SNX13: variants seen among roughly 807,000 people sequenced by gnomAD.
SNX13 encodes the protein sorting nexin-13.
Under a neutral mutation model 133.6 loss-of-function variants are expected in SNX13, and 45 were observed. That is an observed-to-expected ratio of 0.34 (90% CI 0.27 to 0.43). The LOEUF (loss-of-function observed/expected upper bound fraction) is 0.43, where lower values mean the gene tolerates loss of function less well. Among genes scored for constraint, SNX13 ranks in the 20% least tolerant of loss-of-function variants. SNX13 has a pLI of 1.00. For synonymous variants in SNX13, 414 were observed against 373.9 expected (o/e 1.11, Z -1.24); for missense variants, 1,032 against 1,145.1 (o/e 0.90, Z 1.43).
At chr7:17,795,044 G>A (rs1286323146) in intron 25 of SNX13, 1 of 151,526 alleles carries the variant, frequency 6.6e-6, no homozygotes, top group Non-Finnish European at 1.5e-5. Flanking sequence ...ACATGAATGA[G>A]CAAATAAGCA....
Position 17,822,641 on chromosome 7 carries a change from T to C in SNX13, c.1706-993A>G, listed in dbSNP as rs562276629. Among the ~76,000 whole-genome samples, 4 of 152,280 alleles carry C rather than the reference T, an allele frequency of 2.6e-5. No individual in the cohort carries two copies. The East Asian group carries it at 5.8e-4, about 22-fold the overall frequency. ...TGCTGGTTCTGTTGGCTTTCTCTTA[T>C]TGTGGTTCGTATTTCTTTCTGTTGC... On this transcript the variant is annotated intron_variant, in intron 17 of 25. Transcript: ENST00000428135.
intron 9 of SNX13, among the ~76,000 whole-genome samples, chr7:17,866,071 T>C (rs1025027905): frequency 3.9e-5 from 6 of 152,092 alleles, no homozygotes; most frequent in African/African-American, 1.2e-4. Context: ...ATCCATGACA[T>C]TGGTCTGGGC....
intron 17 of SNX13, 23 bp downstream of exon 17, chr7:17,825,999 A>G (rs1353789018): frequency 7.0e-7 from 1 of 1,433,078 alleles, no homozygotes; most frequent in Non-Finnish European, 9.4e-7. Context: ...TTAATGCAAT[A>G]ATTATACTTC....
Position 17,796,908 on chromosome 7 carries a change from C to G in SNX13, c.2545G>C (p.Glu849Gln). The change falls in exon 25 of 26, where the codon GAG becomes CAG. Residue 849 changes from glutamate (E) to glutamine (Q), a missense_variant. By Grantham distance (29) the Glu-to-Gln change is conservative. Coordinates refer to ENST00000428135, the MANE Select transcript of SNX13 (RefSeq NM_015132.5). ...CTTTTATCTCTGCATGGAACAGCCT[C>G]TGCTAAAATGCCATTTGGCCAAAAT... ...DAFWPNGILA[E>Q]AVPCRDKSIR... The G allele has an allele frequency of 6.2e-7, 1 of 1,611,036 alleles. No homozygotes were observed. The highest frequency in any genetic ancestry group is 8.5e-7 in the Non-Finnish European group (1 of 1,178,036).
intron 15 of SNX13, among the ~76,000 whole-genome samples, chr7:17,832,711 T>C (rs1432552904): frequency 6.6e-6 from 1 of 151,470 alleles, no homozygotes; most frequent in Non-Finnish European, 1.5e-5. Flanking sequence ...TTTTAAAAAA[T>C]CTTCCTTAAT....
intron 20 of SNX13, among the ~76,000 whole-genome samples, chr7:17,810,130 T>A (rs562453583): frequency 4.0e-5 from 6 of 151,598 alleles, no homozygotes; most frequent in Non-Finnish European, 8.8e-5. Context: ...AGAGCAGAAC[T>A]GAAGGAGATA....
At chr7:17,923,458 T>C (rs1236253101) in intron 1 of SNX13, among the ~76,000 whole-genome samples, 1 of 152,190 alleles carries the variant, frequency 6.6e-6, no homozygotes, top group Non-Finnish European at 1.5e-5. Context: ...CAAGTGACTC[T>C]GTTAAGAGGC....
rs527997571 is a variant in SNX13 at position 17,839,707 on chromosome 7, A to G, written c.1359+100T>C. 4.6e-6 allele frequency: 4 copies of G among 877,934 alleles called. No homozygotes were observed. In the East Asian group the frequency reaches 1.1e-4, roughly 25 times the overall value. 54.4% of individuals were successfully genotyped at this position (877,934 alleles called of 1,614,324 possible). ...GGAAGATTGTTATCGATTAAAGGAG[A>G]CAATGTTTTCGAGGTAGTCAGCCTG... On this transcript the variant is annotated intron_variant, in intron 13 of 25. Transcript: ENST00000428135.
chr7:17,940,186 G>T (rs1312041776), intron 1 of SNX13, 98 bp downstream of exon 1: 3 of 1,497,914 alleles, frequency 2.0e-6, no homozygotes, highest in Non-Finnish European at 2.7e-6. Context: ...CACGGCGAAG[G>T]GTCAGGCCCA....
intron 9 of SNX13, among the ~76,000 whole-genome samples, chr7:17,861,552 G>A (rs779208231): frequency 5.3e-5 from 8 of 152,196 alleles, no homozygotes; most frequent in Middle Eastern, 6.8e-3. Flanking sequence ...TAAAATCTCA[G>A]GAAATAGTCA....
chr7:17,919,459 T>C (rs932585349), intron 1 of SNX13, among the ~76,000 whole-genome samples: 7 of 152,140 alleles, frequency 4.6e-5, no homozygotes, highest in African/African-American at 9.7e-5. Context: ...TACCATACAG[T>C]TCAGTAGAAA....
At chr7:17,822,229 A>C (rs1583366440) in intron 17 of SNX13, among the ~76,000 whole-genome samples, 2 of 151,952 alleles carry the variant, frequency 1.3e-5, no homozygotes, top group East Asian at 3.9e-4. Flanking sequence ...TTTTCGCATT[A>C]CTTTGCCACA....
intron 14 of SNX13, 89 bp downstream of exon 14, chr7:17,834,671 CT>C (rs1360363379): frequency 1.9e-5 from 15 of 778,602 alleles, no homozygotes; most frequent in Non-Finnish European, 2.9e-5. Context: ...TACCACTCTA[CT>C]TTTAGAAAGT....
At chr7:17,888,492 GA>G (rs1220430401) in intron 5 of SNX13, 2 of 216,332 alleles carry the variant, frequency 9.2e-6, no homozygotes, top group African/African-American at 4.7e-5. Flanking sequence ...TTGGGTAGGA[GA>G]AAAAATACCA....
chr7:17,893,988 TAA>T (rs1796932276), intron 2 of SNX13, among the ~76,000 whole-genome samples: 1 of 139,182 alleles, frequency 7.2e-6, no homozygotes, highest in African/African-American at 2.7e-5. Flanking sequence ...AAAAAAAACT[TAA>T]GTGACATTTT....
chr7:17,826,928 T>G (rs1787974562), intron 16 of SNX13, among the ~76,000 whole-genome samples: 2 of 152,084 alleles, frequency 1.3e-5, no homozygotes, highest in Non-Finnish European at 2.9e-5. Flanking sequence ...GTCCCTCGGA[T>G]GGAATATGGG....
chr7:17,863,198 T>C (rs1025269304), intron 9 of SNX13, among the ~76,000 whole-genome samples: 32 of 151,948 alleles, frequency 2.1e-4, no homozygotes, highest in Non-Finnish European at 4.6e-4. Context: ...GTGGCTTCAC[T>C]TGCGCTGACT....
intron 20 of SNX13, among the ~76,000 whole-genome samples, chr7:17,806,579 A>T (rs1381513707): frequency 1.3e-5 from 2 of 152,158 alleles, no homozygotes; most frequent in Admixed American, 6.5e-5. Flanking sequence ...GTTTATGAAA[A>T]ATGTGTGTTA....
At chr7:17,799,302 G>T in intron 22 of SNX13, 148 bp from the exon 23 acceptor site, 1 of 629,408 alleles carries the variant, frequency 1.6e-6, no homozygotes, top group Non-Finnish European at 2.5e-6. Context: ...AAATTCTAAT[G>T]TAGAAAAAAT....
Sources: gnomAD v4.1 joint callset for allele counts (sites outside exome capture counted in the v4.1 genomes callset) on GRCh38, gnomAD v4.1.1 for gene constraint, MANE v1.5 for transcripts, NCBI Gene and HGNC (gene_info 2026-07-23, HGNC 2026-07-21) for gene names.